The following L3MBTL4 variants were observed in gnomAD, a reference collection of about 807,000 sequenced individuals.
L3MBTL4 encodes the protein lethal(3)malignant brain tumor-like protein 4.
A neutral mutation model predicts 84.5 loss-of-function variants in L3MBTL4; 70 were observed. That is an observed-to-expected ratio of 0.83 (90% CI 0.68 to 1.01). The LOEUF is 1.01. L3MBTL4 is among the 50% of genes least tolerant of loss of function. The pLI is 0.00. For synonymous variants in L3MBTL4, 274 were observed against 259.8 expected (o/e 1.05, Z -0.52); for missense variants, 715 against 754.8 (o/e 0.95, Z 0.62).
chr18:5,960,266 G>T, intron 17 of L3MBTL4, 110 bp from the exon 18 acceptor site: 1 of 493,744 alleles, frequency 2.0e-6, no homozygotes, highest in Non-Finnish European at 3.6e-6. Context: ...CAAACTCTTG[G>T]GAATTAAATA....
At chr18:6,163,524 G>A (rs2043472177) in intron 13 of L3MBTL4, among the ~76,000 whole-genome samples, 1 of 151,994 alleles carries the variant, frequency 6.6e-6, no homozygotes, top group Admixed American at 6.6e-5. Flanking sequence ...TAACAAAAAA[G>A]TCAAACAGCA....
At chr18:6,099,359 C>A (rs1409054225) in intron 14 of L3MBTL4, among the ~76,000 whole-genome samples, 4 of 151,518 alleles carry the variant, frequency 2.6e-5, no homozygotes, top group African/African-American at 7.3e-5. Context: ...AGTTATTGAA[C>A]AGTGATAGTA....
chr18:6,094,882 CT>C (rs2058579790), intron 14 of L3MBTL4, among the ~76,000 whole-genome samples: 1 of 152,138 alleles, frequency 6.6e-6, no homozygotes, highest in Admixed American at 6.5e-5. Context: ...TGATCTATAC[CT>C]GTATCAGCAA....
chr18:6,363,766 A>G (rs2053814752), intron 1 of L3MBTL4, among the ~76,000 whole-genome samples: 1 of 152,138 alleles, frequency 6.6e-6, no homozygotes, highest in Admixed American at 6.5e-5. Context: ...TGAACCCAGG[A>G]GCTCCCATGC....
chr18:6,380,323 C>T (rs1485211614), intron 1 of L3MBTL4, among the ~76,000 whole-genome samples: 1 of 152,092 alleles, frequency 6.6e-6, no homozygotes, highest in African/African-American at 2.4e-5. Flanking sequence ...TCCTTCAGTT[C>T]TGCTCTAATC....
chr18:6,000,565 A>G (rs2054167251), intron 16 of L3MBTL4, among the ~76,000 whole-genome samples: 1 of 152,234 alleles, frequency 6.6e-6, no homozygotes, highest in African/African-American at 2.4e-5. Flanking sequence ...AGGTGATTCA[A>G]CACATACATA....
chr18:5,966,919 C>CTACT (rs1415112070), intron 17 of L3MBTL4, among the ~76,000 whole-genome samples: 3 of 152,184 alleles, frequency 2.0e-5, no homozygotes, highest in African/African-American at 7.2e-5. Context: ...CCTCCCTGTG[C>CTACT]TACTGCCTGT....
chr18:6,221,761 T>C (rs761530474), intron 10 of L3MBTL4, among the ~76,000 whole-genome samples: 2 of 152,208 alleles, frequency 1.3e-5, no homozygotes, highest in South Asian at 2.1e-4. Flanking sequence ...CTGAATTATA[T>C]AAGAAAGCCC....
At chr18:6,228,939 A>C (rs140591633) in intron 10 of L3MBTL4, among the ~76,000 whole-genome samples, 11 of 152,312 alleles carry the variant, frequency 7.2e-5, no homozygotes, top group African/African-American at 2.4e-4. Context: ...AGAATGTGAG[A>C]GTGACTTAAT....
intron 13 of L3MBTL4, among the ~76,000 whole-genome samples, chr18:6,149,025 G>T (rs915410819): frequency 6.6e-6 from 1 of 151,850 alleles, no homozygotes; most frequent in Non-Finnish European, 1.5e-5. Context: ...AAATTATAAA[G>T]AAATAAGAGG....
chr18:6,334,843 T>C (rs1312957753), intron 1 of L3MBTL4, among the ~76,000 whole-genome samples: 1 of 152,228 alleles, frequency 6.6e-6, no homozygotes, highest in Non-Finnish European at 1.5e-5. Context: ...TTGACAATTA[T>C]GTATTTTTAT....
intron 16 of L3MBTL4, among the ~76,000 whole-genome samples, chr18:6,054,826 G>A (rs1302499528): frequency 1.3e-5 from 2 of 152,236 alleles, no homozygotes; most frequent in African/African-American, 4.8e-5. Flanking sequence ...ACATGGTTCT[G>A]TGGAAATGCC....
chr18:6,300,413 T>C (rs1385203294), intron 4 of L3MBTL4, among the ~76,000 whole-genome samples: 4 of 152,140 alleles, frequency 2.6e-5, no homozygotes, highest in African/African-American at 4.8e-5. Flanking sequence ...CTTTTGACAA[T>C]GGACCATTAA....
At chr18:6,133,359 TC>T (rs1041319313) in intron 14 of L3MBTL4, among the ~76,000 whole-genome samples, 1 of 142,020 alleles carries the variant, frequency 7.0e-6, no homozygotes, top group African/African-American at 2.9e-5. Flanking sequence ...ACACACACAC[TC>T]CCCCCACACA....
intron 7 of L3MBTL4, among the ~76,000 whole-genome samples, chr18:6,242,390 C>T (rs2047488802): frequency 6.6e-6 from 1 of 152,064 alleles, no homozygotes; most frequent in Non-Finnish European, 1.5e-5. Flanking sequence ...CTGCAGCCAC[C>T]GCCATTATCC....
rs908989094 is a variant in L3MBTL4, at chr18:6,186,000, T to C, written c.982-14058A>G. ...TTTTATTTTATTTTATTTTATTATT[T>C]TATATTTTATTTTATTTTATTTTAT... On this transcript the variant is annotated intron_variant, in intron 12 of 18. Transcript: ENST00000317931. Among the ~76,000 whole-genome samples the C allele has an allele frequency of 1.3e-5, 2 of 149,302 alleles. 1 individual carries two copies. Among genetic ancestry groups the C allele is most frequent in the African/African-American group, 5.0e-5 (2 of 39,656 alleles).
intron 14 of L3MBTL4, among the ~76,000 whole-genome samples, chr18:6,098,705 C>G (rs1298911329): frequency 1.3e-5 from 2 of 152,166 alleles, no homozygotes; most frequent in Non-Finnish European, 2.9e-5. Context: ...ATGCAACTAA[C>G]TCACCCCTCA....
intron 13 of L3MBTL4, among the ~76,000 whole-genome samples, chr18:6,140,661 C>A (rs1053130573): frequency 3.9e-5 from 6 of 152,088 alleles, no homozygotes; most frequent in African/African-American, 1.4e-4. Context: ...TTGATCTCAT[C>A]ACCTCCCATT....
intron 4 of L3MBTL4, among the ~76,000 whole-genome samples, chr18:6,282,798 G>A (rs1272923448): frequency 2.6e-5 from 4 of 152,166 alleles, no homozygotes; most frequent in African/African-American, 7.2e-5. Context: ...GATCAACTGC[G>A]AAGTCCAAGC....
Sources: allele counts gnomAD v4.1 joint callset (sites outside exome capture counted in the v4.1 genomes callset), GRCh38; gene constraint gnomAD v4.1.1; transcripts MANE v1.5; gene names NCBI Gene and HGNC (gene_info 2026-07-23, HGNC 2026-07-21).